The following MMP16 variants were observed in gnomAD, a reference collection of about 807,000 sequenced individuals.
MMP16 encodes matrix metalloproteinase-16.
Under a neutral mutation model 67.8 loss-of-function variants are expected in MMP16, and 12 were observed. The ratio of observed to expected loss-of-function variants is 0.18; its 90% CI spans 0.11 to 0.29. The LOEUF (loss-of-function observed/expected upper bound fraction) is 0.29. Among genes scored for constraint, MMP16 ranks in the 10% least tolerant of loss-of-function variants. The pLI is 1.00. For missense variants in MMP16, 475 were observed against 765.7 expected (o/e 0.62, Z 4.48); for synonymous variants, 249 against 255.9 (o/e 0.97, Z 0.26).
intron 4 of MMP16, 30 bp from the exon 5 acceptor site, chr8:88,118,891 G>A (rs773220176): frequency 6.3e-7 from 1 of 1,598,672 alleles, no homozygotes; most frequent in Admixed American, 1.7e-5. Context: ...ATAAGTTTTT[G>A]TAACTAATAT....
intron 7 of MMP16, among the ~76,000 whole-genome samples, chr8:88,072,215 G>A (rs1808569356): frequency 6.6e-6 from 1 of 152,004 alleles, no homozygotes; most frequent in African/African-American, 2.4e-5. Flanking sequence ...GAGAGTCAAG[G>A]AGAAATATTT....
intron 4 of MMP16, among the ~76,000 whole-genome samples, chr8:88,147,170 A>G (rs1043582375): frequency 6.6e-6 from 1 of 151,972 alleles, no homozygotes; most frequent in African/African-American, 2.4e-5. Flanking sequence ...ATCTTTCTAA[A>G]AACTATAGTT....
chr8:88,145,793 CT>C (rs1287494387), intron 4 of MMP16, among the ~76,000 whole-genome samples: 1 of 151,920 alleles, frequency 6.6e-6, no homozygotes, highest in Non-Finnish European at 1.5e-5. Context: ...ACCAGTGATT[CT>C]CAACTGAGGA....
intron 3 of MMP16, among the ~76,000 whole-genome samples, chr8:88,176,310 A>T (rs990241888): frequency 2.0e-5 from 3 of 152,224 alleles, no homozygotes; most frequent in Non-Finnish European, 2.9e-5. Context: ...AGTAACACAG[A>T]ATGAGTGAAA....
chr8:88,129,381 A>C lies in MMP16; in HGVS notation c.710-10520T>G, dbSNP rs117864837. ...AAACAAAGCAAAAGCTAATGAAAAC[A>C]ACCCTCTATATTCAAGTGTTTGTAC... is the stretch of plus-strand genomic sequence containing the variant. On this transcript the variant is annotated intron_variant, in intron 4 of 9. Transcript: ENST00000286614. 7.8e-3 allele frequency among the ~76,000 whole-genome samples: 1,188 copies of C among 151,898 alleles called. 18 individuals carry two copies. Among genetic ancestry groups the C allele is most frequent in the Middle Eastern group, 0.075 (22 of 294 alleles).
intron 1 of MMP16, among the ~76,000 whole-genome samples, chr8:88,223,370 G>A (rs1809716883): frequency 1.3e-5 from 2 of 152,112 alleles, no homozygotes; most frequent in East Asian, 3.9e-4. Context: ...TTTAAATCAT[G>A]CTACTATAAA....
At chr8:88,115,634 A>G (rs1330902929) in intron 6 of MMP16, among the ~76,000 whole-genome samples, 1 of 152,052 alleles carries the variant, frequency 6.6e-6, no homozygotes, top group Non-Finnish European at 1.5e-5. Context: ...ACAGCATTGG[A>G]TTATTTATTG....
rs914490565 is a variant in MMP16, at chr8:88,036,242, T to C, written c.*5219A>G. On this transcript the variant is annotated 3_prime_UTR_variant, in exon 10 of 10. Transcript: ENST00000286614. ...TAATGACCACTGGCTAAATATTACATTGATATATCACATAATCATCACTAG... is the reference window on the plus strand; with the variant it reads ...TAATGACCACTGGCTAAATATTACACTGATATATCACATAATCATCACTAG... 5 of 151,940 alleles carry C rather than the reference T, an allele frequency of 3.3e-5. No homozygotes were observed. The highest frequency in any genetic ancestry group is 5.9e-5 in the Non-Finnish European group (4 of 67,850). The allele number at this position is 151,940 out of a possible 1,614,324, so 9.4% of individuals were successfully genotyped here. A position where few individuals can be genotyped will look rare whatever the true frequency, so the allele number is the denominator to read the frequency against.
At chr8:88,318,754 A>G (rs1447076046) in intron 1 of MMP16, among the ~76,000 whole-genome samples, 1 of 152,194 alleles carries the variant, frequency 6.6e-6, no homozygotes, top group Non-Finnish European at 1.5e-5. Flanking sequence ...ATGCGTTTAT[A>G]TATGAAACAT....
At chr8:88,319,525 T>G (rs2130084277) in intron 1 of MMP16, among the ~76,000 whole-genome samples, 1 of 151,994 alleles carries the variant, frequency 6.6e-6, no homozygotes, top group Admixed American at 6.6e-5. Context: ...CATTAGAACC[T>G]AAAATAAAAA....
chr8:88,057,270 A>ACTCT (rs1385940952), intron 7 of MMP16, among the ~76,000 whole-genome samples: 3 of 151,192 alleles, frequency 2.0e-5, no homozygotes, highest in Non-Finnish European at 4.4e-5. Context: ...GTTTCCTAGG[A>ACTCT]CTCTGTTCTC....
intron 1 of MMP16, among the ~76,000 whole-genome samples, chr8:88,306,263 A>C (rs1344822133): frequency 1.3e-5 from 2 of 152,162 alleles, no homozygotes; most frequent in Non-Finnish European, 2.9e-5. Flanking sequence ...AAAGACCAAC[A>C]GTGAGTTCTG....
chr8:88,196,543 C>A (rs908030934), intron 2 of MMP16, among the ~76,000 whole-genome samples: 8 of 151,990 alleles, frequency 5.3e-5, no homozygotes, highest in African/African-American at 1.5e-4. Context: ...ATTGATGAAC[C>A]AATCATTAAA....
At chr8:88,059,113 T>C (rs1808365549) in intron 7 of MMP16, among the ~76,000 whole-genome samples, 1 of 152,114 alleles carries the variant, frequency 6.6e-6, no homozygotes, top group Admixed American at 6.6e-5. Flanking sequence ...AGAAGTCATG[T>C]AGGCAACCAG....
intron 1 of MMP16, among the ~76,000 whole-genome samples, chr8:88,208,581 T>C (rs1171228522): frequency 1.3e-5 from 2 of 151,972 alleles, no homozygotes; most frequent in East Asian, 1.9e-4. Flanking sequence ...TCATTACACA[T>C]GGTACTCTAT....
intron 2 of MMP16, among the ~76,000 whole-genome samples, chr8:88,196,720 A>T (rs1434461618): frequency 6.6e-6 from 1 of 152,054 alleles, no homozygotes; most frequent in Non-Finnish European, 1.5e-5. Flanking sequence ...TAAGAGCCCT[A>T]ATTTGTGTTG....
chr8:88,044,193 C>A (rs564576564), intron 9 of MMP16, among the ~76,000 whole-genome samples: 1 of 152,284 alleles, frequency 6.6e-6, no homozygotes, highest in East Asian at 1.9e-4. Flanking sequence ...TGCCTGTAAT[C>A]CCAGCACTTT....
At chr8:88,072,380 T>C (rs1438193366) in intron 7 of MMP16, among the ~76,000 whole-genome samples, 4 of 151,974 alleles carry the variant, frequency 2.6e-5, no homozygotes, top group Non-Finnish European at 4.4e-5. Flanking sequence ...TGACTCTTTC[T>C]CCATAATCAA....
chr8:88,309,401 G>A (rs1811261317), intron 1 of MMP16, among the ~76,000 whole-genome samples: 1 of 151,728 alleles, frequency 6.6e-6, no homozygotes, highest in African/African-American at 2.4e-5. Context: ...TGGGAAGGAA[G>A]GCAGGGGAAG....
Sources: gnomAD v4.1 joint callset for allele counts (sites outside exome capture counted in the v4.1 genomes callset) on GRCh38, gnomAD v4.1.1 for gene constraint, MANE v1.5 for transcripts, NCBI Gene and HGNC (gene_info 2026-07-23, HGNC 2026-07-21) for gene names.